Variants in PFDN5 observed in about 807,000 individuals in gnomAD.
The protein encoded by PFDN5 is c-myc binding protein.
A neutral mutation model predicts 21.5 loss-of-function variants in PFDN5; 13 were observed. The observed-to-expected ratio is 0.60, with a 90% CI of 0.39 to 0.96. The LOEUF (loss-of-function observed/expected upper bound fraction) is 0.96, where lower values mean the gene tolerates loss of function less well. Among genes scored for constraint, PFDN5 ranks in the 40% least tolerant of loss-of-function variants. The pLI is 0.00. For missense variants in PFDN5, 188 were observed against 186.2 expected, an observed-to-expected ratio of 1.01 and a Z score of -0.06; for synonymous variants, 84 against 68.9, an observed-to-expected ratio of 1.22 and a Z score of -1.08.
intron 5 of PFDN5, chr12:53,298,861 C>T (rs957662904): frequency 1.1e-5 from 2 of 181,276 alleles, no homozygotes; most frequent in South Asian, 1.8e-4. Flanking sequence ...CAATGCCAGG[C>T]GCAGTGGCTG....
At chr12:53,297,808 A>T (rs769518267) in intron 3 of PFDN5, 42 bp from the exon 4 acceptor site, 1 of 1,474,138 alleles carries the variant, frequency 6.8e-7, no homozygotes, top group South Asian at 1.1e-5. Flanking sequence ...ATCATGGCTC[A>T]TGCTGGGCTG....
Position 53,299,398 on chromosome 12 carries a change from T to A in PFDN5, c.*53T>A. ...ACACCCTTTGGGCGTGGCTTCCTGG[T>A]GATGGGAAGGGTCTTGTGTTTTAAT... is the stretch of plus-strand genomic sequence containing the variant. On this transcript the variant is annotated 3_prime_UTR_variant, in exon 6 of 6. Coordinates refer to ENST00000334478, the MANE Select transcript of PFDN5 (RefSeq NM_002624.4). 1.7e-6 allele frequency: 2 copies of A among 1,143,536 alleles called. No homozygotes were observed. The highest frequency in any genetic ancestry group is 2.6e-6 in the Non-Finnish European group (2 of 767,028). 70.8% of individuals were successfully genotyped at this position (1,143,536 alleles called of 1,614,324 possible).
At chr12:53,297,997 G>A in intron 4 of PFDN5, 48 bp from the exon 5 acceptor site, 2 of 1,559,364 alleles carry the variant, frequency 1.3e-6, no homozygotes, top group Non-Finnish European at 1.8e-6. Flanking sequence ...GCGCAGCATG[G>A]CCAGAGGGAG....
In PFDN5 at chr12:53,298,121, C is replaced by T; in HGVS notation, c.359C>T (p.Ala120Val). The change falls in exon 5 of 6, where the codon GCT (alanine) becomes GTT (valine). Residue 120 changes from alanine to valine, a missense_variant. Ala to Val is a moderately conservative substitution (Grantham distance 64, BLOSUM62 0). Transcript: ENST00000334478. ...AAGCAGATGGAGAAAATCCAACCAGCTCTTCAGGAGAAGCACGCCATGAAA... is the reference window on the plus strand; with the variant it reads ...AAGCAGATGGAGAAAATCCAACCAGTTCTTCAGGAGAAGCACGCCATGAAA... ...LTKQMEKIQP[A>V]LQEKHAMKQA... is the part of the protein sequence containing the mutation. 1 of 1,612,986 alleles carries T rather than the reference C, an allele frequency of 6.2e-7. No individual in the cohort carries two copies. Among genetic ancestry groups the T allele is most frequent in the Non-Finnish European group, 8.5e-7 (1 of 1,178,906 alleles).
Position 53,295,907 on chromosome 12 carries a change from G to A in PFDN5, c.141G>A (p.Lys47=), listed in dbSNP as rs1486216122. 1.9e-6 allele frequency: 3 copies of A among 1,612,344 alleles called. 1 individual carries two copies. Among genetic ancestry groups the A allele is most frequent in the Admixed American group, 3.3e-5 (2 of 59,994 alleles). The change falls in exon 2 of 6, where the codon AAG becomes AAA. Residue 47 remains lysine (K), a synonymous_variant. Coordinates refer to ENST00000334478, the MANE Select transcript of PFDN5 (RefSeq NM_002624.4). The part of the protein sequence containing the change: ...KVVQTKYVEA[K]DCLNVLNKSN... ...TACAGACCAAGTATGTGGAAGCCAA[G>A]GACTGTCTGAACGTGCTGAACAAGA...
chr12:53,298,328 TGA>T, intron 5 of PFDN5, 178 bp downstream of exon 5: 2 of 544,698 alleles, frequency 3.7e-6, no homozygotes, highest in Non-Finnish European at 6.7e-6. Context: ...GTTGAGCGTT[TGA>T]GAAATTTAGA....
At position 53,298,150 on chromosome 12, in the gene PFDN5, G is replaced by T. The variant is rs906029004; in HGVS notation, c.388G>T (p.Ala130Ser). Residue 130 changes from alanine (A) to serine (S), a missense_variant and splice_region_variant, in exon 5 of 6, where the codon GCC becomes TCC. Ala to Ser is a moderately conservative substitution (Grantham distance 99). Coordinates refer to ENST00000334478, the MANE Select transcript of PFDN5 (RefSeq NM_002624.4). ...ALQEKHAMKQ[A>S]VMEMMSQKIQ... ...TCAGGAGAAGCACGCCATGAAACAG[G>T]GTAAGTTTTTCCTGGGGCACCTCTT... is the stretch of plus-strand genomic sequence containing the variant. The T allele has an allele frequency of 6.3e-7, 1 of 1,599,982 alleles. No individual in the cohort carries two copies. The highest frequency in any genetic ancestry group is 8.6e-7 in the Non-Finnish European group (1 of 1,167,078).
intron 3 of PFDN5, chr12:53,296,555 C>T (rs1592502979): frequency 1.9e-6 from 1 of 526,802 alleles, no homozygotes; most frequent in Non-Finnish European, 3.4e-6. Flanking sequence ...ACTTTAGGTA[C>T]GCGCCACCAC....
chr12:53,298,697 G>T (rs1266105441), intron 5 of PFDN5: 1 of 154,566 alleles, frequency 6.5e-6, no homozygotes, highest in Non-Finnish European at 1.4e-5. Flanking sequence ...TATTGTGTTC[G>T]TTTTTATATC....
intron 3 of PFDN5, 57 bp downstream of exon 3, chr12:53,296,332 C>T (rs1221652448): frequency 5.8e-6 from 8 of 1,389,854 alleles, no homozygotes; most frequent in Admixed American, 3.6e-5. Flanking sequence ...CTTCACTCCC[C>T]CAAAAAGCGG....
At position 53,295,612 on chromosome 12, in the gene PFDN5, A is replaced by G. The variant is rs768132416; in HGVS notation, c.45A>G (p.Leu15=). ...INITELNLPQ[L]EMLKNQLDQE... ...TCACGGAGCTGAATCTGCCGCAGCT[A>G]GAAATGCTCAAGAACCAGCTGGACC... is the stretch of plus-strand genomic sequence containing the variant. The change falls in exon 1 of 6, where the codon CTA becomes CTG. Residue 15 remains leucine (L), a synonymous_variant. Coordinates refer to ENST00000334478, the MANE Select transcript of PFDN5 (RefSeq NM_002624.4). 4.3e-6 allele frequency: 7 copies of G among 1,613,960 alleles called. No individual in the cohort carries two copies. The highest frequency in any genetic ancestry group is 1.6e-4 in the Middle Eastern group (1 of 6,084).
Position 53,298,072 on chromosome 12 carries a change from A to G in PFDN5, c.310A>G (p.Lys104Glu). The part of the protein sequence containing the change: ...KTAEDAKDFF[K>E]RKIDFLTKQM... ...AGCTGAGGATGCCAAGGACTTCTTC[A>G]AGAGGAAGATAGATTTTCTAACCAA... is the stretch of plus-strand genomic sequence containing the variant. The change falls in exon 5 of 6, where the codon AAG (lysine) becomes GAG (glutamate). Residue 104 changes from lysine to glutamate, a missense_variant. By Grantham distance (56) the Lys-to-Glu change is moderately conservative (BLOSUM62 1). Coordinates refer to ENST00000334478, the MANE Select transcript of PFDN5 (RefSeq NM_002624.4). 1 of 1,613,476 alleles carries G rather than the reference A, an allele frequency of 6.2e-7. No homozygotes were observed. Among genetic ancestry groups the G allele is most frequent in the Non-Finnish European group, 8.5e-7 (1 of 1,179,378 alleles).
At chr12:53,298,572 G>GC (rs1944184730) in intron 5 of PFDN5, 2 of 91,072 alleles carry the variant, frequency 2.2e-5, no homozygotes, top group East Asian at 3.0e-4. Context: ...ACCAAGGTCT[G>GC]TTTTTTTTTA....
At chr12:53,296,306 G>A in intron 3 of PFDN5, 31 bp downstream of exon 3, 1 of 1,577,512 alleles carries the variant, frequency 6.3e-7, no homozygotes, top group Non-Finnish European at 8.7e-7. Context: ...GCTACCTGCT[G>A]CCTTCTCCCT....
intron 3 of PFDN5, 55 bp downstream of exon 3, chr12:53,296,330 C>T (rs1944149727): frequency 2.8e-6 from 4 of 1,406,264 alleles, no homozygotes; most frequent in Admixed American, 1.8e-5. Context: ...TCCTTCACTC[C>T]CCCAAAAAGC....
chr12:53,298,664 T>G (rs1944186556), intron 5 of PFDN5: 1 of 159,882 alleles, frequency 6.3e-6, no homozygotes, highest in African/African-American at 2.4e-5. Context: ...GTTTTCTGAT[T>G]ATGTCAGACT....
chr12:53,298,135 C>T lies in PFDN5; in HGVS notation c.373C>T (p.His125Tyr). Residue 125 changes from histidine (H) to tyrosine (Y), a missense_variant, in exon 5 of 6, where the codon CAC becomes TAC. Transcript: ENST00000334478. Reference sequence around the variant, plus strand: ...AATCCAACCAGCTCTTCAGGAGAAGCACGCCATGAAACAGGGTAAGTTTTT... The same window carrying T: ...AATCCAACCAGCTCTTCAGGAGAAGTACGCCATGAAACAGGGTAAGTTTTT... ...EKIQPALQEK[H>Y]AMKQAVMEMM... The T allele has an allele frequency of 6.2e-7, 1 of 1,609,338 alleles. No homozygotes were observed. Among genetic ancestry groups the T allele is most frequent in the Non-Finnish European group, 8.5e-7 (1 of 1,175,596 alleles).
Position 53,297,644 on chromosome 12 carries a change from T to A in PFDN5, c.208-206T>A. On this transcript the variant is annotated intron_variant, in intron 3 of 5. Transcript: ENST00000334478. The stretch of plus-strand genomic sequence containing the variant: ...GGCAGGACAAGAGGGTGTTCCAGCA[T>A]ACATCATTTTCTCCTTAAAGAACCA... The A allele has an allele frequency of 2.9e-5, 16 of 560,428 alleles. 1 individual carries two copies. The South Asian group carries it at 3.2e-4, about 11-fold the overall frequency. 34.7% of individuals were successfully genotyped at this position (560,428 alleles called of 1,614,324 possible). A position where few individuals can be genotyped will look rare whatever the true frequency, so the allele number is the denominator to read the frequency against.
chr12:53,296,332 C>G (rs1221652448), intron 3 of PFDN5, 57 bp downstream of exon 3: 4 of 1,389,854 alleles, frequency 2.9e-6, no homozygotes, highest in Non-Finnish European at 4.1e-6. Context: ...CTTCACTCCC[C>G]CAAAAAGCGG....
Sources: gnomAD v4.1 joint callset for allele counts on GRCh38, gnomAD v4.1.1 for gene constraint, MANE v1.5 for transcripts, NCBI Gene and HGNC (gene_info 2026-07-23, HGNC 2026-07-21) for gene names.